The following FAM240B variants were observed in gnomAD, a reference collection of about 807,000 sequenced individuals.
FAM240B encodes protein FAM240B.
chr9:38,713,481 C>CAAAAAAAAAAAAAAA (rs77404875), intron 1 of FAM240B, among the ~76,000 whole-genome samples: 1 of 83,582 alleles, frequency 1.2e-5, no homozygotes, highest in Non-Finnish European at 2.1e-5. Context: ...CCGTTTCAAA[C>CAAAAAAAAAAAAAAA]AAAAAAAAAA....
chr9:38,709,009 A>C (rs150728786), intron 1 of FAM240B, among the ~76,000 whole-genome samples: 23 of 151,960 alleles, frequency 1.5e-4, no homozygotes, highest in African/African-American at 5.1e-4. Context: ...TTTCACCCTT[A>C]CATCACTTAG....
chr9:38,713,927 T>C (rs1023385406), intron 1 of FAM240B, among the ~76,000 whole-genome samples: 7 of 152,220 alleles, frequency 4.6e-5, no homozygotes, highest in Non-Finnish European at 8.8e-5. Context: ...TGCTATTTAC[T>C]TTGTTTCTCT....
chr9:38,718,454 C>A (rs529563451), intron 1 of FAM240B, among the ~76,000 whole-genome samples: 1 of 152,256 alleles, frequency 6.6e-6, no homozygotes, highest in East Asian at 1.9e-4. Flanking sequence ...TCAATGTATT[C>A]ACCTCTTAAT....
intron 1 of FAM240B, among the ~76,000 whole-genome samples, chr9:38,707,041 A>G (rs1821198739): frequency 6.6e-6 from 1 of 152,220 alleles, no homozygotes; most frequent in Non-Finnish European, 1.5e-5. Context: ...ACTGCGAGGA[A>G]GGTGTTAAAT....
At chr9:38,702,267 G>A (rs926988771) in intron 2 of FAM240B, among the ~76,000 whole-genome samples, 1 of 152,210 alleles carries the variant, frequency 6.6e-6, no homozygotes, top group Non-Finnish European at 1.5e-5. Flanking sequence ...CACCAGGAGT[G>A]TGGCTGGAAT....
chr9:38,708,768 C>A (rs912240949), intron 1 of FAM240B, among the ~76,000 whole-genome samples: 1 of 152,198 alleles, frequency 6.6e-6, no homozygotes, highest in Non-Finnish European at 1.5e-5. Flanking sequence ...AAAGTGCTAA[C>A]TGAATTTGAA....
intron 1 of FAM240B, among the ~76,000 whole-genome samples, chr9:38,707,864 C>T (rs1047653267): frequency 3.3e-5 from 5 of 151,850 alleles, no homozygotes; most frequent in Non-Finnish European, 5.9e-5. Flanking sequence ...TGCATGCCAG[C>T]TCTGCTTCTC....
Position 38,708,467 on chromosome 9 carries a change from C to T in FAM240B, c.-3-4465G>A, listed in dbSNP as rs569543897. Among the ~76,000 whole-genome samples, 13 of 152,238 alleles carry T rather than the reference C, an allele frequency of 8.5e-5. No individual in the cohort carries two copies. In the South Asian group the frequency reaches 2.1e-3, roughly 24 times the overall value. On this transcript the variant is annotated intron_variant, in intron 1 of 2. Coordinates refer to ENST00000637493, the MANE Select transcript of FAM240B (RefSeq NM_001394922.1). ...CATGTAGACACAGCTGTCCTGCCTG[C>T]GAAACACAGCTGCATCCCTACCTCC...
rs1050755472 is a variant in FAM240B, at chr9:38,703,948, C to G, written c.52G>C (p.Glu18Gln). The change falls in exon 2 of 3, where the codon GAG becomes CAG. Residue 18 changes from glutamate to glutamine, a missense_variant. By Grantham distance (29) the Glu-to-Gln change is conservative. Coordinates refer to ENST00000637493, the MANE Select transcript of FAM240B (RefSeq NM_001394922.1). Reference sequence around the variant, plus strand: ...TCTTTTTCCCAGAAGCTTTTGAGCTCATGACAAGTTCCACAGCAGAAGACT... The same window carrying G: ...TCTTTTTCCCAGAAGCTTTTGAGCTGATGACAAGTTCCACAGCAGAAGACT... ...REVFCCGTCHELKSFWEKEIS... is the reference protein window; with the variant it reads ...REVFCCGTCHQLKSFWEKEIS... 1 of 400,480 alleles carries G rather than the reference C, an allele frequency of 2.5e-6. No individual in the cohort carries two copies. Among genetic ancestry groups the G allele is most frequent in the Non-Finnish European group, 4.4e-6 (1 of 226,100 alleles). 24.8% of individuals were successfully genotyped at this position (400,480 alleles called of 1,614,324 possible). A position where few individuals can be genotyped will look rare whatever the true frequency, so the allele number is the denominator to read the frequency against.
At chr9:38,703,385 C>T (rs1417441265) in intron 2 of FAM240B, among the ~76,000 whole-genome samples, 1 of 152,208 alleles carries the variant, frequency 6.6e-6, no homozygotes, top group Admixed American at 6.5e-5. Flanking sequence ...CACTATTTCC[C>T]CTGCACTTGA....
rs535429497 is a variant in FAM240B, at chr9:38,703,956, G to T, written c.44C>A (p.Thr15Asn). The T allele has an allele frequency of 2.5e-6, 1 of 400,480 alleles. No individual in the cohort carries two copies. The highest frequency in any genetic ancestry group is 1.3e-4 in the South Asian group (1 of 7,934). The allele number at this position is 400,480 out of a possible 1,614,324, so 24.8% of individuals were successfully genotyped here. Residue 15 changes from threonine to asparagine, a missense_variant, in exon 2 of 3, where the codon ACT (threonine) becomes AAT (asparagine). Transcript: ENST00000637493. ...YIRREVFCCG[T>N]CHELKSFWEK... ...CCAGAAGCTTTTGAGCTCATGACAA[G>T]TTCCACAGCAGAAGACTTCTCGACG...
intron 1 of FAM240B, among the ~76,000 whole-genome samples, chr9:38,708,373 T>G (rs928611938): frequency 2.6e-5 from 4 of 152,174 alleles, no homozygotes; most frequent in African/African-American, 9.7e-5. Context: ...TCAGGCTCGC[T>G]ATTGCTGTCA....
At chr9:38,711,072 G>A (rs953624572) in intron 1 of FAM240B, among the ~76,000 whole-genome samples, 1 of 152,140 alleles carries the variant, frequency 6.6e-6, no homozygotes, top group African/African-American at 2.4e-5. Context: ...CAATGTGCAA[G>A]TCATCACTGC....
At chr9:38,699,268 A>G (rs1821097245) in intron 2 of FAM240B, among the ~76,000 whole-genome samples, 1 of 152,224 alleles carries the variant, frequency 6.6e-6, no homozygotes, top group South Asian at 2.1e-4. Context: ...TCATAATCAT[A>G]ATGTTATTCC....
At chr9:38,698,685 C>T (rs1340863527) in intron 2 of FAM240B, among the ~76,000 whole-genome samples, 1 of 152,124 alleles carries the variant, frequency 6.6e-6, no homozygotes, top group Non-Finnish European at 1.5e-5. Context: ...CTTAGAGGAC[C>T]TGAGTTAACA....
At chr9:38,696,364 C>G (rs1283403282) in intron 2 of FAM240B, among the ~76,000 whole-genome samples, 1 of 152,020 alleles carries the variant, frequency 6.6e-6, no homozygotes, top group Non-Finnish European at 1.5e-5. Flanking sequence ...GCTGTAGGCA[C>G]CTATTACCAG....
At chr9:38,717,566 C>T (rs902933441) in intron 1 of FAM240B, among the ~76,000 whole-genome samples, 2 of 152,158 alleles carry the variant, frequency 1.3e-5, no homozygotes, top group African/African-American at 2.4e-5. Context: ...CTGCAAGCTC[C>T]GCCTCCCGGG....
chr9:38,694,656 C>G lies in FAM240B; in HGVS notation c.*120G>C, dbSNP rs2118994934. The G allele has an allele frequency of 2.5e-6, 1 of 396,294 alleles. No homozygotes were observed. The highest frequency in any genetic ancestry group is 3.6e-5 in the East Asian group (1 of 27,980). 24.5% of individuals were successfully genotyped at this position (396,294 alleles called of 1,614,324 possible). A position where few individuals can be genotyped will look rare whatever the true frequency, so the allele number is the denominator to read the frequency against. On this transcript the variant is annotated 3_prime_UTR_variant, in exon 3 of 3. Transcript: ENST00000637493. Reference sequence around the variant, plus strand: ...GAGGTTTCACATGTAAATCCCCTAGCAAATGGAAGCACAAATAGAGAGCGT... The same window carrying G: ...GAGGTTTCACATGTAAATCCCCTAGGAAATGGAAGCACAAATAGAGAGCGT...
At chr9:38,718,731 A>AT (rs1821335978) in intron 1 of FAM240B, among the ~76,000 whole-genome samples, 1 of 145,300 alleles carries the variant, frequency 6.9e-6, no homozygotes, top group Non-Finnish European at 1.5e-5. Flanking sequence ...AATAGGACAT[A>AT]TACATAGTTT....
Sources: allele counts gnomAD v4.1 joint callset (sites outside exome capture counted in the v4.1 genomes callset), GRCh38; gene constraint gnomAD v4.1.1; transcripts MANE v1.5; gene names NCBI Gene and HGNC (gene_info 2026-07-23, HGNC 2026-07-21).